PTPRD: variants seen among roughly 807,000 people sequenced by gnomAD.
PTPRD encodes receptor-type tyrosine-protein phosphatase delta.
In PTPRD, 34 loss-of-function variants were observed where a neutral mutation model predicts 214.5. The observed-to-expected ratio is 0.16, with a 90% confidence interval of 0.12 to 0.21. The LOEUF is 0.21. Ranked by LOEUF, PTPRD falls within the 10% of genes least tolerant of loss-of-function variation. The pLI, the probability that PTPRD is intolerant of heterozygous loss-of-function variation, is 1.00. For missense variants in PTPRD, 2,545 were observed against 2,398.7 expected, an observed-to-expected ratio of 1.06 and a Z score of -1.27; for synonymous variants, 1,128 against 845.7, an observed-to-expected ratio of 1.33 and a Z score of -5.79.
At chr9:10,042,575 C>T (rs1456479653) in intron 3 of PTPRD, among the ~76,000 whole-genome samples, 1 of 151,872 alleles carries the variant, frequency 6.6e-6, no homozygotes, top group African/African-American at 2.4e-5. Context: ...ACAAGCAGAG[C>T]TACTAGCAGG....
chr9:10,357,961 T>C (rs140044956), intron 2 of PTPRD, among the ~76,000 whole-genome samples: 25 of 152,200 alleles, frequency 1.6e-4, no homozygotes, highest in African/African-American at 5.8e-4. Context: ...ATTGACCAAA[T>C]TGATAAAATA....
intron 3 of PTPRD, among the ~76,000 whole-genome samples, chr9:10,295,401 G>C (rs537427403): frequency 5.3e-5 from 8 of 152,064 alleles, no homozygotes; most frequent in African/African-American, 1.9e-4. Context: ...AAATTACCAA[G>C]AATATCAACT....
chr9:9,215,814 G>A (rs866002195), intron 9 of PTPRD, among the ~76,000 whole-genome samples: 2 of 152,116 alleles, frequency 1.3e-5, no homozygotes, highest in African/African-American at 4.8e-5. Flanking sequence ...ATCAAGAATT[G>A]TGCTAGGGAG....
intron 9 of PTPRD, among the ~76,000 whole-genome samples, chr9:9,321,216 C>T (rs957344016): frequency 6.6e-6 from 1 of 152,076 alleles, no homozygotes. Flanking sequence ...ACTATTTGGG[C>T]CCTAAAGACA....
intron 10 of PTPRD, among the ~76,000 whole-genome samples, chr9:9,168,012 A>AT (rs931223688): frequency 1.7e-4 from 26 of 151,482 alleles, no homozygotes; most frequent in African/African-American, 3.1e-4. Flanking sequence ...CAGATAACTG[A>AT]TTTTTTTTTC....
At chr9:10,428,265 G>GC (rs1013136153) in intron 2 of PTPRD, among the ~76,000 whole-genome samples, 18 of 152,182 alleles carry the variant, frequency 1.2e-4, no homozygotes, top group Middle Eastern at 3.4e-3. Context: ...GTTGCAGCGA[G>GC]CTGAGATCAT....
chr9:8,539,529 G>A (rs964478608), intron 14 of PTPRD, among the ~76,000 whole-genome samples: 2 of 151,544 alleles, frequency 1.3e-5, no homozygotes, highest in Non-Finnish European at 2.9e-5. Flanking sequence ...AATATGTAAA[G>A]AAAAATTAGT....
chr9:9,478,635 A>T (rs969750251), intron 8 of PTPRD, among the ~76,000 whole-genome samples: 1 of 152,202 alleles, frequency 6.6e-6, no homozygotes, highest in Non-Finnish European at 1.5e-5. Flanking sequence ...TATCCCAAAG[A>T]GTTAGCCTTT....
chr9:9,436,911 G>A (rs1184236817), intron 8 of PTPRD, among the ~76,000 whole-genome samples: 2 of 150,434 alleles, frequency 1.3e-5, no homozygotes, highest in Non-Finnish European at 3.0e-5. Flanking sequence ...GCCTGTCTAC[G>A]ATACCTGAAC....
rs1004429794 is a variant in PTPRD at position 10,432,216 on chromosome 9, C to A, written c.-599-91199G>T. ...AAACCAAACACCGCATATTCTCACT[C>A]ATAGGCGGGAATTGAACAATGAGAT... is the stretch of plus-strand genomic sequence containing the variant. On this transcript the variant is annotated intron_variant, in intron 2 of 45. Coordinates refer to ENST00000381196, the MANE Select transcript of PTPRD (RefSeq NM_002839.4). Among the ~76,000 whole-genome samples, 348 of 141,826 alleles carry A rather than the reference C, an allele frequency of 2.5e-3. 6 individuals carry two copies. Among genetic ancestry groups the A allele is most frequent in the African/African-American group, 8.3e-3 (314 of 37,842 alleles). 93.0% of individuals were successfully genotyped at this position (141,826 alleles called of 152,430 possible).
At chr9:10,414,709 T>C (rs1046242488) in intron 2 of PTPRD, among the ~76,000 whole-genome samples, 4 of 151,718 alleles carry the variant, frequency 2.6e-5, no homozygotes, top group African/African-American at 4.8e-5. Flanking sequence ...CAATGATAGA[T>C]GGGATAAAGA....
At chr9:10,031,316 A>G (rs930133334) in intron 4 of PTPRD, among the ~76,000 whole-genome samples, 11 of 152,002 alleles carry the variant, frequency 7.2e-5, no homozygotes. Flanking sequence ...GTGTGTCTGT[A>G]TGGGTGTTGC....
rs113482595 is a variant in PTPRD at position 9,629,238 on chromosome 9, G to GTATATA, written c.-286-54463_-286-54458dup. On this transcript the variant is annotated intron_variant, in intron 7 of 45. Transcript: ENST00000381196. The stretch of plus-strand genomic sequence containing the variant: ...TGGGGAGATATATATGTGTGTGTGT[G>GTATATA]TATATATATATATATATATGAACAC... Among the ~76,000 whole-genome samples, 468 of 140,396 alleles carry GTATATA rather than the reference G, an allele frequency of 3.3e-3. 3 individuals are homozygous for GTATATA. The highest frequency in any genetic ancestry group is 0.01 in the African/African-American group (373 of 35,558). 92.1% of individuals were successfully genotyped at this position (140,396 alleles called of 152,430 possible). A position where few individuals can be genotyped will look rare whatever the true frequency, so the allele number is the denominator to read the frequency against.
chr9:8,364,670 C>A (rs956715342), intron 39 of PTPRD, among the ~76,000 whole-genome samples: 1 of 152,242 alleles, frequency 6.6e-6, no homozygotes, highest in Non-Finnish European at 1.5e-5. Flanking sequence ...CAGCTCCAGG[C>A]ACTGCCGCAA....
intron 9 of PTPRD, among the ~76,000 whole-genome samples, chr9:9,321,519 C>T (rs937173727): frequency 8.3e-5 from 12 of 144,466 alleles, no homozygotes; most frequent in African/African-American, 2.3e-4. Flanking sequence ...CACACCATTG[C>T]ACCCCAGCCT....
chr9:10,041,825 C>A (rs1254968134), intron 3 of PTPRD, among the ~76,000 whole-genome samples: 2 of 151,912 alleles, frequency 1.3e-5, no homozygotes, highest in Non-Finnish European at 1.5e-5. Context: ...AAGATATAAA[C>A]TTTAGATCTA....
At chr9:9,052,929 A>G (rs989653874) in intron 10 of PTPRD, among the ~76,000 whole-genome samples, 3 of 152,202 alleles carry the variant, frequency 2.0e-5, no homozygotes, top group Non-Finnish European at 2.9e-5. Context: ...AACTATCTAC[A>G]GCAAATAATT....
chr9:8,628,862 C>T (rs926865785), intron 14 of PTPRD, among the ~76,000 whole-genome samples: 2 of 151,752 alleles, frequency 1.3e-5, no homozygotes, highest in African/African-American at 2.4e-5. Flanking sequence ...TGCCTCATAT[C>T]TGGTAAACTA....
At position 9,716,534 on chromosome 9, in the gene PTPRD, A is replaced by G. The variant is rs556405474; in HGVS notation, c.-287+17999T>C. ...GCACCTGTTGTTTCCTGACTTTTTA[A>G]TGATTGCCGTTCTAACTGGTGTGAG... is the stretch of plus-strand genomic sequence containing the variant. On this transcript the variant is annotated intron_variant, in intron 7 of 45. Coordinates refer to ENST00000381196, the MANE Select transcript of PTPRD (RefSeq NM_002839.4). Among the ~76,000 whole-genome samples, 11 of 152,118 alleles carry G rather than the reference A, an allele frequency of 7.2e-5. No individual in the cohort carries two copies. The East Asian group carries it at 2.1e-3, about 29-fold the overall frequency.
Sources: allele counts gnomAD v4.1 joint callset (sites outside exome capture counted in the v4.1 genomes callset), GRCh38; gene constraint gnomAD v4.1.1; transcripts MANE v1.5; gene names NCBI Gene and HGNC (gene_info 2026-07-23, HGNC 2026-07-21).